SMO: variants seen among roughly 807,000 people sequenced by gnomAD.
SMO encodes the protein smoothened, frizzled class receptor.
A neutral mutation model predicts 81.6 loss-of-function variants in SMO; 40 were observed. That is an observed-to-expected ratio of 0.49 (90% CI 0.38 to 0.64). The LOEUF (loss-of-function observed/expected upper bound fraction) is 0.64. SMO is among the 30% of genes least tolerant of loss of function. The probability of loss-of-function intolerance (pLI) is 0.00; values close to 1 mark genes in which losing one functional copy is unlikely to be tolerated. For synonymous variants in SMO, 434 were observed against 432.1 expected (o/e 1.00, Z -0.05); for missense variants, 916 against 1,061.1 (o/e 0.86, Z 1.90).
At position 129,206,474 on chromosome 7, in the gene SMO, A is replaced by T. The variant is rs2150650636; in HGVS notation, c.1151A>T (p.Asp384Val). The T allele has an allele frequency of 6.2e-7, 1 of 1,613,642 alleles. No homozygotes were observed. The highest frequency in any genetic ancestry group is 8.5e-7 in the Non-Finnish European group (1 of 1,179,882). ...CCCTTCCTGCTGCAGGTGGATGGGG[A>T]CTCTGTGAGTGGGATTTGTTTTGTG... is the stretch of plus-strand genomic sequence containing the variant. The part of the protein sequence containing the change: ...AILAVAQVDG[D>V]SVSGICFVGY... Residue 384 changes from aspartate to valine, a missense_variant, in exon 6 of 12, where the codon GAC (aspartate) becomes GTC (valine). By Grantham distance (152) the Asp-to-Val change is radical. Transcript: ENST00000249373. This position sits in a 1 kb window ranked among gnomAD's most constrained non-coding sequence, Gnocchi z 4.4.
Position 129,209,851 on chromosome 7 carries a change from C to T in SMO, c.1466+454C>T, listed in dbSNP as rs187061485. The T allele has an allele frequency of 5.3e-4, 96 of 182,514 alleles. 1 individual carries two copies. Among genetic ancestry groups the T allele is most frequent in the Admixed American group, 3.9e-3 (73 of 18,642 alleles). 11.3% of individuals were successfully genotyped at this position (182,514 alleles called of 1,614,324 possible). The stretch of plus-strand genomic sequence containing the variant: ...TGAGGATGGATTGGAGAGAGTAAGA[C>T]ATTGCTACTGCTGAGAGAAGCGCAG... On this transcript the variant is annotated intron_variant, in intron 8 of 11. Coordinates refer to ENST00000249373, the MANE Select transcript of SMO (RefSeq NM_005631.5).
Position 129,211,435 on chromosome 7 carries a change from C to T in SMO, c.1802-201C>T, listed in dbSNP as rs1187460482. ...GGGTTCCAAGAACTGGATTTCTGGC[C>T]TCCAGTTAGGCCCTTTGGGGACGTG... On this transcript the variant is annotated intron_variant, in intron 10 of 11. Transcript: ENST00000249373. The surrounding 1 kb of genome is among the most constrained non-coding windows in gnomAD (Gnocchi z 4.6). 1.4e-6 allele frequency: 1 copy of T among 728,824 alleles called. No homozygotes were observed. Among genetic ancestry groups the T allele is most frequent in the Non-Finnish European group, 2.4e-6 (1 of 409,452 alleles). The allele number at this position is 728,824 out of a possible 1,614,324, so 45.1% of individuals were successfully genotyped here.
Position 129,211,186 on chromosome 7 carries a change from T to G in SMO, c.1801+73T>G. On this transcript the variant is annotated intron_variant, in intron 10 of 11. Coordinates refer to ENST00000249373, the MANE Select transcript of SMO (RefSeq NM_005631.5). This position sits in a 1 kb window ranked among gnomAD's most constrained non-coding sequence, Gnocchi z 4.6. ...CATGTGCTAGTCTCTCCCAGCCTGC[T>G]GGGGGCACACAGATTATTTGGAAGA... 1.3e-6 allele frequency: 2 copies of G among 1,481,692 alleles called. No individual in the cohort carries two copies. Among genetic ancestry groups the G allele is most frequent in the Non-Finnish European group, 1.8e-6 (2 of 1,084,928 alleles). The allele number at this position is 1,481,692 out of a possible 1,614,324, so 91.8% of individuals were successfully genotyped here.
chr7:129,196,423 T>C (rs1793581077), intron 1 of SMO, among the ~76,000 whole-genome samples: 1 of 151,828 alleles, frequency 6.6e-6, no homozygotes, highest in African/African-American at 2.4e-5. Context: ...CAAGTGATCC[T>C]CCTGCCTTGG....
In SMO at chr7:129,189,470, G is replaced by C. The variant is rs757816267; in HGVS notation, c.319G>C (p.Val107Leu). 1 of 1,537,482 alleles carries C rather than the reference G, an allele frequency of 6.5e-7. No individual in the cohort carries two copies. The highest frequency in any genetic ancestry group is 1.2e-5 in the South Asian group (1 of 84,022). Reference protein sequence around the residue: ...DSQEEAHGKLVLWSGLRNAPR... With the variant: ...DSQEEAHGKLLLWSGLRNAPR... ...CCAGGAGGAAGCGCACGGCAAGCTCGTGCTCTGGTCGGGTAAGTGCGGCGG... is the reference window on the plus strand; with the variant it reads ...CCAGGAGGAAGCGCACGGCAAGCTCCTGCTCTGGTCGGGTAAGTGCGGCGG... Residue 107 changes from valine (V) to leucine (L), a missense_variant, in exon 1 of 12, where the codon GTG becomes CTG. Physicochemically the swap from Val to Leu is conservative, Grantham distance 32. Around this residue, in one of 4 missense-constraint regions of SMO, gnomAD observed 146 missense variants for 149.9 expected, o/e 0.97. Transcript: ENST00000249373. The surrounding 1 kb of genome is among the most constrained non-coding windows in gnomAD (Gnocchi z 4.7).
Position 129,189,575 on chromosome 7 carries a change from A to G in SMO, c.331+93A>G. The G allele has an allele frequency of 7.1e-7, 1 of 1,398,882 alleles. No individual in the cohort carries two copies. The highest frequency in any genetic ancestry group is 9.6e-7 in the Non-Finnish European group (1 of 1,036,798). The allele number at this position is 1,398,882 out of a possible 1,614,324, so 86.7% of individuals were successfully genotyped here. The stretch of plus-strand genomic sequence containing the variant: ...GAACAGGCTCAGGCCTGAGTTTTGG[A>G]GAGGGCGGGGACAGCACCCGGGAGA... On this transcript the variant is annotated intron_variant, in intron 1 of 11. Coordinates refer to ENST00000249373, the MANE Select transcript of SMO (RefSeq NM_005631.5). The surrounding 1 kb of genome is among the most constrained non-coding windows in gnomAD (Gnocchi z 4.7).
In SMO at chr7:129,212,481, G is replaced by C. The variant is rs1793893577; in HGVS notation, c.*30G>C. 3 of 1,591,096 alleles carry C rather than the reference G, an allele frequency of 1.9e-6. No individual in the cohort carries two copies. The South Asian group carries it at 3.3e-5, about 18-fold the overall frequency. On this transcript the variant is annotated 3_prime_UTR_variant, in exon 12 of 12. Transcript: ENST00000249373. The surrounding 1 kb of genome is among the most constrained non-coding windows in gnomAD (Gnocchi z 5.0). ...GCAGAGCAGGACCTGGGACAGGAAA[G>C]AGAGGAACCAATACCTTCAAGGCTC...
chr7:129,195,829 T>C (rs1012776825), intron 1 of SMO, among the ~76,000 whole-genome samples: 16 of 151,908 alleles, frequency 1.1e-4, no homozygotes, highest in South Asian at 6.2e-4. Context: ...GGGCCAGGCG[T>C]GGTGGCTCAC....
intron 1 of SMO, among the ~76,000 whole-genome samples, chr7:129,199,850 T>C (rs891868812): frequency 6.6e-6 from 1 of 152,236 alleles, no homozygotes; most frequent in Non-Finnish European, 1.5e-5. Context: ...ATACTTTTTA[T>C]CACAGTGATA....
chr7:129,190,769 A>G (rs770831410), intron 1 of SMO, among the ~76,000 whole-genome samples: 1 of 152,234 alleles, frequency 6.6e-6, no homozygotes, highest in African/African-American at 2.4e-5. Context: ...ACAGCACATT[A>G]GACAGAAATC....
chr7:129,196,873 C>T (rs759429311), intron 1 of SMO, among the ~76,000 whole-genome samples: 8 of 151,838 alleles, frequency 5.3e-5, no homozygotes, highest in Non-Finnish European at 8.8e-5. Context: ...AAAAGTTAGT[C>T]GGGCATGGTG....
Position 129,208,834 on chromosome 7 carries a change from A to G in SMO, c.1340A>G (p.Glu447Gly). 6.2e-7 allele frequency: 1 copy of G among 1,613,770 alleles called. No individual in the cohort carries two copies. Among genetic ancestry groups the G allele is most frequent in the Non-Finnish European group, 8.5e-7 (1 of 1,179,752 alleles). The change falls in exon 7 of 12, where the codon GAG (glutamate) becomes GGG (glycine). Residue 447 changes from glutamate to glycine, a missense_variant. By Grantham distance (98) the Glu-to-Gly change is moderately conservative. Around this residue, in one of 4 missense-constraint regions of SMO, gnomAD observed 436 missense variants for 570.9 expected, o/e 0.76. Transcript: ENST00000249373. This position sits in a 1 kb window ranked among gnomAD's most constrained non-coding sequence, Gnocchi z 5.2. ...GAGAAGGCTGCCAGCAAGATCAACG[A>G]GACCATGCTGCGCCTGGGTGAGTGG... is the stretch of plus-strand genomic sequence containing the variant. ...LSEKAASKINETMLRLGIFGF... is the reference protein window; with the variant it reads ...LSEKAASKINGTMLRLGIFGF...
chr7:129,212,147 C>T lies in SMO; in HGVS notation c.2060C>T (p.Pro687Leu), dbSNP rs55722779. 4.2e-4 allele frequency: 657 copies of T among 1,557,082 alleles called. 2 individuals are homozygous for T. In the African/African-American group the frequency reaches 7.7e-3, roughly 18 times the overall value. The change falls in exon 12 of 12, where the codon CCG (proline) becomes CTG (leucine). Residue 687 changes from proline to leucine, a missense_variant. Coordinates refer to ENST00000249373, the MANE Select transcript of SMO (RefSeq NM_005631.5). This position sits in a 1 kb window ranked among gnomAD's most constrained non-coding sequence, Gnocchi z 5.0. Reference protein sequence around the residue: ...KRKKEVCPLAPPPELHPPAPA... With the variant: ...KRKKEVCPLALPPELHPPAPA... ...AAGAAGGAGGTGTGCCCGCTGGCGC[C>T]GCCCCCTGAGCTTCACCCCCCTGCC...
Position 129,210,307 on chromosome 7 carries a change from A to G in SMO, c.1467-56A>G, listed in dbSNP as rs1793848111. The G allele has an allele frequency of 2.0e-6, 3 of 1,464,530 alleles. No homozygotes were observed. Among genetic ancestry groups the G allele is most frequent in the Admixed American group, 1.7e-5 (1 of 58,894 alleles). 90.7% of individuals were successfully genotyped at this position (1,464,530 alleles called of 1,614,324 possible). A position where few individuals can be genotyped will look rare whatever the true frequency, so the allele number is the denominator to read the frequency against. On this transcript the variant is annotated intron_variant, in intron 8 of 11. Coordinates refer to ENST00000249373, the MANE Select transcript of SMO (RefSeq NM_005631.5). This position sits in a 1 kb window ranked among gnomAD's most constrained non-coding sequence, Gnocchi z 4.7. ...GTGACAGAGCAAGATCCTATCTCAA[A>G]AAAAGAGAGAGGAAAAGAAAGGAAA...
At chr7:129,205,930 G>T in intron 4 of SMO, 148 bp downstream of exon 4, 1 of 767,860 alleles carries the variant, frequency 1.3e-6, no homozygotes, top group Non-Finnish European at 2.1e-6. Context: ...GATCTCCAGT[G>T]TTAGGATCTT....
rs778073136 is a variant in SMO, at chr7:129,210,533, G to A, written c.1637G>A (p.Arg546Lys). 15 of 1,613,894 alleles carry A rather than the reference G, an allele frequency of 9.3e-6. No homozygotes were observed. The highest frequency in any genetic ancestry group is 2.7e-5 in the African/African-American group (2 of 75,070). ...VWTKATLLIWRRTWCRLTGQS... is the reference protein window; with the variant it reads ...VWTKATLLIWKRTWCRLTGQS... ...ACCAAGGCCACGCTGCTCATCTGGA[G>A]GCGTACCTGGTGCAGGTGGGCATGG... Residue 546 changes from arginine to lysine, a missense_variant, in exon 9 of 12, where the codon AGG (arginine) becomes AAG (lysine). Coordinates refer to ENST00000249373, the MANE Select transcript of SMO (RefSeq NM_005631.5). This position sits in a 1 kb window ranked among gnomAD's most constrained non-coding sequence, Gnocchi z 4.7.
Position 129,205,667 on chromosome 7 carries a change from T to C in SMO, c.805T>C (p.Tyr269His), listed in dbSNP as rs2150649117. 1.2e-6 allele frequency: 2 copies of C among 1,614,058 alleles called. No individual in the cohort carries two copies. The highest frequency in any genetic ancestry group is 2.2e-5 in the South Asian group (2 of 91,084). ...SNRYPAVILF[Y>H]VNACFFVGSI... ...TCGCTACCCTGCTGTTATTCTCTTC[T>C]ACGTCAATGCGTGCTTCTTTGTGGG... The change falls in exon 4 of 12, where the codon TAC (tyrosine) becomes CAC (histidine). Residue 269 changes from tyrosine to histidine, a missense_variant. Coordinates refer to ENST00000249373, the MANE Select transcript of SMO (RefSeq NM_005631.5).
intron 1 of SMO, among the ~76,000 whole-genome samples, chr7:129,196,760 G>C (rs1315556204): frequency 1.3e-5 from 2 of 152,074 alleles, no homozygotes; most frequent in Non-Finnish European, 2.9e-5. Flanking sequence ...GCTCACACCT[G>C]TAATCCCAGC....
chr7:129,199,915 A>G (rs1193318513), intron 1 of SMO, among the ~76,000 whole-genome samples: 2 of 152,084 alleles, frequency 1.3e-5, no homozygotes, highest in South Asian at 2.1e-4. Flanking sequence ...CTGTGTGTCT[A>G]TAGAATTATG....
Sources: allele counts gnomAD v4.1 joint callset (sites outside exome capture counted in the v4.1 genomes callset), GRCh38; gene constraint gnomAD v4.1.1; regional missense constraint gnomAD v4.1.1; non-coding constraint Gnocchi (gnomAD v3.1); transcripts MANE v1.5; gene names NCBI Gene and HGNC (gene_info 2026-07-23, HGNC 2026-07-21).